The following NPHP4 variants were observed in gnomAD, a reference collection of about 807,000 sequenced individuals.
NPHP4 encodes nephrocystin-4.
In NPHP4, 151 loss-of-function variants were observed where a neutral mutation model predicts 155.8. The ratio of observed to expected loss-of-function variants is 0.97; its 90% CI spans 0.85 to 1.11. The LOEUF is 1.11. NPHP4 is among the 50% of genes least tolerant of loss of function. The pLI, the probability that NPHP4 is intolerant of heterozygous loss-of-function variation, is 0.00. For missense variants in NPHP4, 1,956 were observed against 1,925.7 expected, an observed-to-expected ratio of 1.02 and a Z score of -0.29; for synonymous variants, 845 against 816.8, an observed-to-expected ratio of 1.03 and a Z score of -0.59.
In NPHP4 at chr1:5,947,146, C is replaced by T; in HGVS notation, c.1077G>A (p.Gln359=). ...VGHPAFAVIF[Q]LEYVFSSPAG... ...CAGGGCTGCTGAACACGTACTCCAG[C>T]TGGAAGATGACCGCAAATGCAGGGT... is the stretch of plus-strand genomic sequence containing the variant. Residue 359 remains glutamine, a synonymous_variant, in exon 9 of 30, where the codon CAG becomes CAA. Transcript: ENST00000378156. The T allele has an allele frequency of 6.2e-7, 1 of 1,614,022 alleles. No homozygotes were observed. The highest frequency in any genetic ancestry group is 8.5e-7 in the Non-Finnish European group (1 of 1,179,888).
chr1:5,877,147 A>C lies in NPHP4; in HGVS notation c.2763T>G (p.Ser921=), dbSNP rs1334238839. Residue 921 remains serine (S), a synonymous_variant, in exon 20 of 30, where the codon TCT becomes TCG. Transcript: ENST00000378156. ...CTCCCCCGGCCTCCTGCAGGCGCAC[A>C]GACCTCATCCGCTCCAGCTTACGCC... The part of the protein sequence containing the change: ...TRRRKLERMR[S]VRLQEAGGDL... 1 of 1,600,134 alleles carries C rather than the reference A, an allele frequency of 6.2e-7. No homozygotes were observed. The highest frequency in any genetic ancestry group is 8.5e-7 in the Non-Finnish European group (1 of 1,169,754).
chr1:5,972,622 GAAAAGCACA>G (rs958541672), intron 3 of NPHP4, among the ~76,000 whole-genome samples: 14 of 152,140 alleles, frequency 9.2e-5, no homozygotes, highest in African/African-American at 3.1e-4. Flanking sequence ...CCTGCTTATG[GAAAAGCACA>G]TGACTAAATA....
rs780719431 is a variant in NPHP4 at position 5,867,752 on chromosome 1, G to A, written c.3460C>T (p.His1154Tyr). Residue 1154 changes from histidine (H) to tyrosine (Y), a missense_variant, in exon 24 of 30, where the codon CAC becomes TAC. His to Tyr is a moderately conservative substitution (Grantham distance 83). Coordinates refer to ENST00000378156, the MANE Select transcript of NPHP4 (RefSeq NM_015102.5). The surrounding 1 kb of genome is among the most constrained non-coding windows in gnomAD (Gnocchi z 4.1). ...LKKAIRLPPW[H>Y]TFPGAPVGML... Reference sequence around the variant, plus strand: ...GTGCAGGACCTGCCTGGAAATGTGTGCCAGGGCGGCAGGCGGATGGCCTTC... The same window carrying A: ...GTGCAGGACCTGCCTGGAAATGTGTACCAGGGCGGCAGGCGGATGGCCTTC... 2 of 1,610,176 alleles carry A rather than the reference G, an allele frequency of 1.2e-6. No homozygotes were observed. Among genetic ancestry groups the A allele is most frequent in the Admixed American group, 1.7e-5 (1 of 60,022 alleles).
chr1:5,863,444 G>A, intron 29 of NPHP4, 39 bp from the exon 30 acceptor site: 1 of 1,604,330 alleles, frequency 6.2e-7, no homozygotes, highest in Non-Finnish European at 8.5e-7. Flanking sequence ...CCACCCCCGG[G>A]CTGTCCCACG....
intron 18 of NPHP4, chr1:5,881,598 A>G (rs1285152614): frequency 6.6e-6 from 1 of 152,188 alleles, no homozygotes; most frequent in African/African-American, 2.4e-5. Flanking sequence ...GGTGGTAGAG[A>G]GAGGCTAGAT....
intron 1 of NPHP4, 97 bp downstream of exon 1, chr1:5,992,147 C>A (rs1656485479): frequency 6.6e-6 from 1 of 152,210 alleles, no homozygotes; most frequent in Non-Finnish European, 1.5e-5. Flanking sequence ...AACCCCGAGG[C>A]TCTGGCCAAC....
chr1:5,951,151 G>C (rs6693231), intron 7 of NPHP4, among the ~76,000 whole-genome samples: 4,270 of 152,296 alleles, frequency 0.028, 194 homozygotes, highest in African/African-American at 0.097. Context: ...GGGAATGGGC[G>C]GGGAGGAAGG....
intron 27 of NPHP4, 111 bp downstream of exon 27, chr1:5,864,991 G>T: frequency 3.7e-6 from 4 of 1,072,362 alleles, no homozygotes; most frequent in Admixed American, 2.0e-5. Context: ...CGCTGGAGGC[G>T]CTGGAAAAGC....
At chr1:5,979,547 T>C (rs951705375) in intron 2 of NPHP4, among the ~76,000 whole-genome samples, 2 of 151,858 alleles carry the variant, frequency 1.3e-5, no homozygotes, top group African/African-American at 4.9e-5. Context: ...TGTTTTGTTT[T>C]TGTTTTTAAG....
chr1:5,874,142 AAAC>A (rs2100611264), intron 22 of NPHP4, among the ~76,000 whole-genome samples: 1 of 152,248 alleles, frequency 6.6e-6, no homozygotes, highest in South Asian at 2.1e-4. Flanking sequence ...GGAAGGGACC[AAAC>A]AACATTAACT....
chr1:5,912,397 G>C (rs2101358937), intron 11 of NPHP4, among the ~76,000 whole-genome samples: 1 of 152,216 alleles, frequency 6.6e-6, no homozygotes, highest in African/African-American at 2.4e-5. Context: ...AATTAGCCGG[G>C]TATGGTGGTG....
chr1:5,866,110 G>C (rs1174757039), intron 26 of NPHP4: 2 of 527,732 alleles, frequency 3.8e-6, no homozygotes, highest in African/African-American at 3.8e-5. Flanking sequence ...ACTATCTGGG[G>C]ACAGAGGCTG....
intron 1 of NPHP4, among the ~76,000 whole-genome samples, chr1:5,989,539 T>C (rs548508422): frequency 6.7e-6 from 1 of 149,980 alleles, no homozygotes; most frequent in South Asian, 2.2e-4. Context: ...ATTCCTCCTG[T>C]GTTCTTGGTA....
intron 6 of NPHP4, among the ~76,000 whole-genome samples, chr1:5,960,542 C>T (rs1186665674): frequency 6.6e-6 from 1 of 152,088 alleles, no homozygotes; most frequent in African/African-American, 2.4e-5. Flanking sequence ...CCCTCACACA[C>T]AAGGTCAAAT....
chr1:5,866,418 C>A lies in NPHP4; in HGVS notation c.3599G>T (p.Ser1200Ile). The A allele has an allele frequency of 6.2e-7, 1 of 1,608,944 alleles. No homozygotes were observed. Among genetic ancestry groups the A allele is most frequent in the South Asian group, 1.1e-5 (1 of 89,834 alleles). ...GTCTTTGATCTCCGGGCTTGGACCA[C>A]TGGCCACCTTCAGAAATATGTCCCG... is the stretch of plus-strand genomic sequence containing the variant. Reference protein sequence around the residue: ...EPRDIFLKVASGPSPEIKDFF... With the variant: ...EPRDIFLKVAIGPSPEIKDFF... Residue 1200 changes from serine (S) to isoleucine (I), a missense_variant, in exon 26 of 30, where the codon AGT (serine) becomes ATT (isoleucine). Physicochemically the swap from Ser to Ile is moderately radical, Grantham distance 142 (BLOSUM62 -2). Coordinates refer to ENST00000378156, the MANE Select transcript of NPHP4 (RefSeq NM_015102.5).
In NPHP4 at chr1:5,905,186, A is replaced by T; in HGVS notation, c.1955+106T>A. On this transcript the variant is annotated intron_variant, in intron 15 of 29. Transcript: ENST00000378156. This position sits in a 1 kb window ranked among gnomAD's most constrained non-coding sequence, Gnocchi z 4.0. Reference sequence around the variant, plus strand: ...AACAGATGGCACTCCCGAATCTACTAAGACCTCAGCACAGACAGTTCTGCC... The same window carrying T: ...AACAGATGGCACTCCCGAATCTACTTAGACCTCAGCACAGACAGTTCTGCC... 1 of 911,406 alleles carries T rather than the reference A, an allele frequency of 1.1e-6. No individual in the cohort carries two copies. The highest frequency in any genetic ancestry group is 1.8e-6 in the Non-Finnish European group (1 of 554,006). 56.5% of individuals were successfully genotyped at this position (911,406 alleles called of 1,614,324 possible).
chr1:5,936,519 A>G (rs1001813888), intron 9 of NPHP4, among the ~76,000 whole-genome samples: 4 of 152,220 alleles, frequency 2.6e-5, no homozygotes, highest in African/African-American at 9.6e-5. Context: ...CACAAACTGA[A>G]AAGAAAAAAA....
chr1:5,880,232 C>T lies in NPHP4; in HGVS notation c.2493G>A (p.Pro831=), dbSNP rs546616658. Residue 831 remains proline (P), a synonymous_variant, in exon 19 of 30, where the codon CCG becomes CCA. Transcript: ENST00000378156. Reference sequence around the variant, plus strand: ...TACAACCTCTCACTTTCTGTTCACACGGGTGACCTACATGAAAAACATCCC... The same window carrying T: ...TACAACCTCTCACTTTCTGTTCACATGGGTGACCTACATGAAAAACATCCC... ...LHLTLANVGH[P]CEQKVRGCST... is the part of the protein sequence containing the mutation. The T allele has an allele frequency of 1.3e-5, 21 of 1,613,416 alleles. No homozygotes were observed. Among genetic ancestry groups the T allele is most frequent in the African/African-American group, 6.7e-5 (5 of 75,036 alleles).
rs1485681184 is a variant in NPHP4, at chr1:5,890,873, T to A, written c.2299A>T (p.Met767Leu). The change falls in exon 17 of 30, where the codon ATG (methionine) becomes TTG (leucine). Residue 767 changes from methionine to leucine, a missense_variant. Transcript: ENST00000378156. The surrounding 1 kb of genome is among the most constrained non-coding windows in gnomAD (Gnocchi z 4.9). Reference sequence around the variant, plus strand: ...TCCTTCCAGAGAGCCGCTACCTTCATCTGGACGGCAGCAGATCCGATGAGC... The same window carrying A: ...TCCTTCCAGAGAGCCGCTACCTTCAACTGGACGGCAGCAGATCCGATGAGC... ...LLLIGSAAVQ[M>L]KHLLRQGRPA... The A allele has an allele frequency of 6.2e-7, 1 of 1,609,284 alleles. No homozygotes were observed. Among genetic ancestry groups the A allele is most frequent in the South Asian group, 1.1e-5 (1 of 90,434 alleles).
Sources: gnomAD v4.1 joint callset for allele counts (sites outside exome capture counted in the v4.1 genomes callset) on GRCh38, gnomAD v4.1.1 for gene constraint, Gnocchi (gnomAD v3.1) non-coding constraint, MANE v1.5 for transcripts, NCBI Gene and HGNC (gene_info 2026-07-23, HGNC 2026-07-21) for gene names.